GIP: variants seen among roughly 807,000 people sequenced by gnomAD.
The protein encoded by GIP is glucose-dependent insulinotropic polypeptide.
In GIP, 16 loss-of-function variants were observed where a neutral mutation model predicts 18.1. That is an observed-to-expected ratio of 0.88 (90% CI 0.60 to 1.34). The LOEUF is 1.34. Among genes scored for constraint, GIP ranks in the 40% most tolerant of loss-of-function variants. The pLI is 0.00. For missense variants in GIP, 192 were observed against 183.4 expected (o/e 1.05, Z -0.27); for synonymous variants, 76 against 74.0 (o/e 1.03, Z -0.14).
chr17:48,963,093 CAAAAAA>C (rs5820738), intron 3 of GIP, among the ~76,000 whole-genome samples: 1 of 151,702 alleles, frequency 6.6e-6, no homozygotes, highest in African/African-American at 2.4e-5. Flanking sequence ...GGTGACAGAG[CAAAAAA>C]AATCCGTCTC....
At position 48,968,499 on chromosome 17, in the gene GIP, T is replaced by A. The variant is rs2041247112; in HGVS notation, c.-22+18A>T. 1.3e-5 allele frequency: 2 copies of A among 152,242 alleles called. No homozygotes were observed. The highest frequency in any genetic ancestry group is 2.1e-4 in the South Asian group (1 of 4,826). The allele number at this position is 152,242 out of a possible 1,614,324, so 9.4% of individuals were successfully genotyped here. On this transcript the variant is annotated intron_variant, in intron 1 of 5. Coordinates refer to ENST00000357424, the MANE Select transcript of GIP (RefSeq NM_004123.3). Reference sequence around the variant, plus strand: ...GCTCTCGGGTCATCTCATCCATCCCTGTCTCCACTTCTCTTACCAGACTTC... The same window carrying A: ...GCTCTCGGGTCATCTCATCCATCCCAGTCTCCACTTCTCTTACCAGACTTC...
chr17:48,958,674 C>T lies in GIP; in HGVS notation c.*33G>A. 6.4e-7 allele frequency: 1 copy of T among 1,562,198 alleles called. No homozygotes were observed. The highest frequency in any genetic ancestry group is 8.7e-7 in the Non-Finnish European group (1 of 1,148,618). ...GCTGAGGCAGGTGCTAAGTGAAGGG[C>T]AGAATCCAGTCCTGAGCTGGGTGTG... On this transcript the variant is annotated 3_prime_UTR_variant, in exon 6 of 6. Coordinates refer to ENST00000357424, the MANE Select transcript of GIP (RefSeq NM_004123.3).
intron 3 of GIP, among the ~76,000 whole-genome samples, chr17:48,962,228 C>T (rs2041204310): frequency 6.6e-6 from 1 of 152,056 alleles, no homozygotes; most frequent in Non-Finnish European, 1.5e-5. Context: ...CATCACCACA[C>T]CCAGCTGATT....
chr17:48,964,531 G>A (rs756219335), intron 2 of GIP, 51 bp from the exon 3 acceptor site: 1 of 1,503,932 alleles, frequency 6.6e-7, no homozygotes, highest in East Asian at 2.3e-5. Context: ...GAATCACAAT[G>A]CTAGGGTAAA....
chr17:48,959,195 C>A (rs745435565), intron 5 of GIP, among the ~76,000 whole-genome samples: 3 of 152,070 alleles, frequency 2.0e-5, no homozygotes, highest in Non-Finnish European at 2.9e-5. Flanking sequence ...ACTGTGGTGC[C>A]CAAGCTGGAG....
At chr17:48,966,028 A>G (rs534570736) in intron 2 of GIP, among the ~76,000 whole-genome samples, 2 of 151,954 alleles carry the variant, frequency 1.3e-5, no homozygotes, top group Non-Finnish European at 2.9e-5. Flanking sequence ...GGGAGGTCCA[A>G]GCAGGTGGAT....
intron 1 of GIP, among the ~76,000 whole-genome samples, chr17:48,967,723 G>A (rs1256779341): frequency 6.6e-6 from 1 of 151,852 alleles, no homozygotes. Context: ...CTGTGCACTG[G>A]AGTTAGTGAC....
chr17:48,963,589 G>A (rs1317422409), intron 3 of GIP, among the ~76,000 whole-genome samples: 1 of 151,860 alleles, frequency 6.6e-6, no homozygotes, highest in Non-Finnish European at 1.5e-5. Flanking sequence ...GAACCCAGGA[G>A]GTGGAAGTTG....
chr17:48,967,354 T>G lies in GIP; in HGVS notation c.-21-101A>C, dbSNP rs2041240573. 22 of 631,074 alleles carry G rather than the reference T, an allele frequency of 3.5e-5. 3 individuals carry two copies. In the South Asian group the frequency reaches 3.7e-4, roughly 10 times the overall value. The allele number at this position is 631,074 out of a possible 1,614,324, so 39.1% of individuals were successfully genotyped here. A position where few individuals can be genotyped will look rare whatever the true frequency, so the allele number is the denominator to read the frequency against. On this transcript the variant is annotated intron_variant, in intron 1 of 5. Coordinates refer to ENST00000357424, the MANE Select transcript of GIP (RefSeq NM_004123.3). ...CTGAGGTTTGGACCCTTTCTTTTCC[T>G]TTTTCTTTTTTTTTTTTTTTTTTGA...
chr17:48,965,808 T>C (rs753341089), intron 2 of GIP, among the ~76,000 whole-genome samples: 1 of 151,984 alleles, frequency 6.6e-6, no homozygotes, highest in Non-Finnish European at 1.5e-5. Flanking sequence ...CCTCACAACA[T>C]CCTATGAGGT....
At chr17:48,959,578 A>G (rs2041188367) in intron 5 of GIP, among the ~76,000 whole-genome samples, 1 of 152,190 alleles carries the variant, frequency 6.6e-6, no homozygotes, top group South Asian at 2.1e-4. Flanking sequence ...TCTGGGACAT[A>G]AGGAATGGAC....
intron 1 of GIP, among the ~76,000 whole-genome samples, chr17:48,967,514 C>T (rs1041581477): frequency 5.3e-5 from 8 of 151,804 alleles, no homozygotes; most frequent in African/African-American, 1.9e-4. Flanking sequence ...CATGTGCCAC[C>T]ACTCCCGGCT....
In GIP at chr17:48,959,681, T is replaced by C. The variant is rs1327982630; in HGVS notation, c.453-965A>G. ...GGAAACATGCCTCTAACTATGTAGT[T>C]TCCCATCACCAGGAAGGTGCCATGG... On this transcript the variant is annotated intron_variant, in intron 5 of 5. Transcript: ENST00000357424. 3.3e-5 allele frequency among the ~76,000 whole-genome samples: 5 copies of C among 152,200 alleles called. No individual in the cohort carries two copies. The South Asian group carries it at 8.3e-4, about 25-fold the overall frequency.
chr17:48,961,856 G>C, intron 3 of GIP, 37 bp from the exon 4 acceptor site: 1 of 1,429,380 alleles, frequency 7.0e-7, no homozygotes, highest in Non-Finnish European at 9.8e-7. Flanking sequence ...GCAAGCTGCG[G>C]AGACTCCAGT....
In GIP at chr17:48,964,115, G is replaced by A. The variant is rs527908715; in HGVS notation, c.257+195C>T. On this transcript the variant is annotated intron_variant, in intron 3 of 5. Coordinates refer to ENST00000357424, the MANE Select transcript of GIP (RefSeq NM_004123.3). ...GCGGAGCTTGCAGTGAGCCGAGATC[G>A]CGCCACTGCACTCCAGCCTGGGCGA... is the stretch of plus-strand genomic sequence containing the variant. Among the ~76,000 whole-genome samples the A allele has an allele frequency of 4.8e-5, 7 of 144,988 alleles. No individual in the cohort carries two copies. The South Asian group carries it at 1.1e-3, about 22-fold the overall frequency.
At position 48,964,487 on chromosome 17, in the gene GIP, A is replaced by G. The variant is rs771623299; in HGVS notation, c.87-7T>C. Reference sequence around the variant, plus strand: ...AGGCAGGGAGGGGAGAGCGCTGGAAACAAGGGTGCGGAGAAGGGGCAGAGA... The same window carrying G: ...AGGCAGGGAGGGGAGAGCGCTGGAAGCAAGGGTGCGGAGAAGGGGCAGAGA... On this transcript the variant is annotated splice_polypyrimidine_tract_variant and splice_region_variant and intron_variant, in intron 2 of 5. Transcript: ENST00000357424. 1 of 1,613,474 alleles carries G rather than the reference A, an allele frequency of 6.2e-7. No homozygotes were observed. Among genetic ancestry groups the G allele is most frequent in the Non-Finnish European group, 8.5e-7 (1 of 1,179,584 alleles).
chr17:48,963,979 G>GT (rs931244626), intron 3 of GIP, among the ~76,000 whole-genome samples: 2 of 141,516 alleles, frequency 1.4e-5, no homozygotes, highest in African/African-American at 5.4e-5. Flanking sequence ...GTGAAACCCC[G>GT]TATCTACTGA....
intron 2 of GIP, among the ~76,000 whole-genome samples, chr17:48,966,899 C>G (rs1271655550): frequency 1.3e-5 from 2 of 152,168 alleles, no homozygotes; most frequent in African/African-American, 4.8e-5. Flanking sequence ...CATCTTCGGA[C>G]AATTAACCAC....
intron 3 of GIP, among the ~76,000 whole-genome samples, chr17:48,962,557 C>T (rs918633323): frequency 1.3e-5 from 2 of 151,320 alleles, no homozygotes; most frequent in Admixed American, 6.6e-5. Flanking sequence ...TTAGTAGAGA[C>T]GGGATTTCAC....
Sources: gnomAD v4.1 joint callset for allele counts (sites outside exome capture counted in the v4.1 genomes callset) on GRCh38, gnomAD v4.1.1 for gene constraint, MANE v1.5 for transcripts, NCBI Gene and HGNC (gene_info 2026-07-23, HGNC 2026-07-21) for gene names.